VPS13B: variants seen among roughly 807,000 people sequenced by gnomAD.
The protein encoded by VPS13B is vacuolar protein sorting 13 homolog B, also known as intermembrane lipid transfer protein VPS13B.
In VPS13B, 285 loss-of-function variants were observed where a neutral mutation model predicts 426.4. The observed-to-expected ratio is 0.67, with a 90% CI of 0.61 to 0.74. The LOEUF is 0.74. Ranked by LOEUF, VPS13B falls within the 30% of genes least tolerant of loss-of-function variation. The probability of loss-of-function intolerance (pLI) is 0.00; values close to 1 mark genes in which losing one functional copy is unlikely to be tolerated. For missense variants in VPS13B, 4,537 were observed against 4,782.6 expected (o/e 0.95, Z 1.51); for synonymous variants, 1,676 against 1,676.4 (o/e 1.00, Z 0.01).
At chr8:99,873,026 T>A (rs747331791) in intron 61 of VPS13B, among the ~76,000 whole-genome samples, 12 of 152,208 alleles carry the variant, frequency 7.9e-5, no homozygotes, top group Non-Finnish European at 1.8e-4. Flanking sequence ...CTTTATTAGA[T>A]CTGCCAGAAT....
intron 32 of VPS13B, among the ~76,000 whole-genome samples, chr8:99,576,302 A>AG (rs1172471490): frequency 6.6e-6 from 1 of 152,198 alleles, no homozygotes; most frequent in Non-Finnish European, 1.5e-5. Context: ...AAGTTTTCAC[A>AG]GGATGTATGC....
At chr8:99,609,853 A>T (rs1827767464) in intron 33 of VPS13B, among the ~76,000 whole-genome samples, 1 of 152,244 alleles carries the variant, frequency 6.6e-6, no homozygotes, top group Non-Finnish European at 1.5e-5. Context: ...GCCTGGATTC[A>T]TGCTAAGGCA....
intron 3 of VPS13B, among the ~76,000 whole-genome samples, chr8:99,052,713 G>C (rs1442274089): frequency 1.3e-5 from 2 of 152,058 alleles, no homozygotes; most frequent in Non-Finnish European, 2.9e-5. Flanking sequence ...TTCAGAGCCT[G>C]TTATTGGTCT....
chr8:99,690,505 T>A lies in VPS13B; in HGVS notation c.6047-9020T>A, dbSNP rs139185578. 8.5e-5 allele frequency among the ~76,000 whole-genome samples: 13 copies of A among 152,300 alleles called. No individual in the cohort carries two copies. In the East Asian group the frequency reaches 2.5e-3, roughly 29 times the overall value. On this transcript the variant is annotated intron_variant, in intron 35 of 61. Coordinates refer to ENST00000357162, the MANE Select transcript of VPS13B (RefSeq NM_152564.5). ...AAAAAAGTGAAGATAATCCACAGAA[T>A]GGGAGAAAATATTTGCAAATCATAT...
intron 3 of VPS13B, among the ~76,000 whole-genome samples, chr8:99,072,644 G>T (rs1303562048): frequency 2.0e-5 from 3 of 151,642 alleles, no homozygotes; most frequent in Non-Finnish European, 4.4e-5. Flanking sequence ...GGGGTTTTGA[G>T]GTCATAACCG....
chr8:99,356,317 C>T (rs532152883), intron 19 of VPS13B, among the ~76,000 whole-genome samples: 23 of 152,044 alleles, frequency 1.5e-4, no homozygotes, highest in Non-Finnish European at 2.6e-4. Context: ...TTTACATTCT[C>T]TCCTACCACC....
chr8:99,036,152 G>A (rs1343954240), intron 2 of VPS13B, among the ~76,000 whole-genome samples: 1 of 151,844 alleles, frequency 6.6e-6, no homozygotes, highest in Non-Finnish European at 1.5e-5. Context: ...AAAATTTGAT[G>A]TCTCATTTTT....
At chr8:99,300,982 G>A (rs913825432) in intron 19 of VPS13B, among the ~76,000 whole-genome samples, 1 of 146,334 alleles carries the variant, frequency 6.8e-6, no homozygotes, top group Non-Finnish European at 1.5e-5. Context: ...CCAGCACTTT[G>A]GTGGGTGGCT....
rs1848127635 is a variant in VPS13B, at chr8:99,124,941, T to C, written c.1206+3496T>C. Among the ~76,000 whole-genome samples, 2 of 149,644 alleles carry C rather than the reference T, an allele frequency of 1.3e-5. 1 individual carries two copies. The highest frequency in any genetic ancestry group is 4.2e-4 in the South Asian group (2 of 4,744). On this transcript the variant is annotated intron_variant, in intron 8 of 61. Transcript: ENST00000357162. The stretch of plus-strand genomic sequence containing the variant: ...GATGCATGCTAAACATGAATGAACC[T>C]GGAAATCTCTATGCTGAATGAAATA...
At position 99,720,325 on chromosome 8, in the gene VPS13B, A is replaced by G; in HGVS notation, c.6658-20A>G. The G allele has an allele frequency of 6.2e-7, 1 of 1,603,752 alleles. No homozygotes were observed. The highest frequency in any genetic ancestry group is 8.5e-7 in the Non-Finnish European group (1 of 1,173,230). On this transcript the variant is annotated intron_variant, in intron 37 of 61. Coordinates refer to ENST00000357162, the MANE Select transcript of VPS13B (RefSeq NM_152564.5). ...ATGTTTGTATTTAAAAGCTACTAGA[A>G]TTTTTTTATGATTTTAAAGGTCTTC...
chr8:99,456,289 C>T (rs1390517569), intron 23 of VPS13B, among the ~76,000 whole-genome samples: 1 of 152,102 alleles, frequency 6.6e-6, no homozygotes, highest in Non-Finnish European at 1.5e-5. Context: ...GTGCCTCAGC[C>T]TCCTGAGTAG....
At chr8:99,337,454 G>A (rs1170958335) in intron 19 of VPS13B, among the ~76,000 whole-genome samples, 1 of 151,582 alleles carries the variant, frequency 6.6e-6, no homozygotes, top group African/African-American at 2.4e-5. Context: ...CATGGCACAT[G>A]TATACGTATG....
chr8:99,064,048 G>A (rs1432641581), intron 3 of VPS13B, among the ~76,000 whole-genome samples: 2 of 152,148 alleles, frequency 1.3e-5, no homozygotes, highest in Non-Finnish European at 2.9e-5. Context: ...CAAACAGAAA[G>A]GCATAGCATC....
At chr8:99,767,022 G>A in intron 40 of VPS13B, 52 bp downstream of exon 40, 2 of 1,575,938 alleles carry the variant, frequency 1.3e-6, no homozygotes, top group Non-Finnish European at 1.7e-6. Context: ...ACAATGATAA[G>A]TCATCTTTTC....
intron 39 of VPS13B, among the ~76,000 whole-genome samples, chr8:99,742,881 C>G (rs1200260310): frequency 6.6e-6 from 1 of 152,100 alleles, no homozygotes; most frequent in African/African-American, 2.4e-5. Context: ...ACTGAATGGG[C>G]AAAAACTGGA....
chr8:99,100,128 T>C (rs984997711), intron 4 of VPS13B, among the ~76,000 whole-genome samples: 2 of 152,208 alleles, frequency 1.3e-5, no homozygotes, highest in Non-Finnish European at 2.9e-5. Flanking sequence ...TTTATTCCAC[T>C]GATAAGTTTC....
At chr8:99,242,718 T>C (rs900507266) in intron 17 of VPS13B, among the ~76,000 whole-genome samples, 6 of 152,238 alleles carry the variant, frequency 3.9e-5, no homozygotes, top group South Asian at 2.1e-4. Flanking sequence ...TTTTTACTTA[T>C]AGAATTGCCT....
chr8:99,199,775 C>G (rs937013267), intron 17 of VPS13B, among the ~76,000 whole-genome samples: 6 of 152,116 alleles, frequency 3.9e-5, no homozygotes, highest in East Asian at 1.9e-4. Context: ...ATTACGTTCT[C>G]TTACACATTC....
chr8:99,467,293 T>C (rs1819161334), intron 23 of VPS13B, 121 bp from the exon 24 acceptor site: 4 of 1,060,236 alleles, frequency 3.8e-6, no homozygotes, highest in Non-Finnish European at 5.8e-6. Flanking sequence ...GAATACTATA[T>C]TCACTTTTTA....
Sources: gnomAD v4.1 joint callset for allele counts (sites outside exome capture counted in the v4.1 genomes callset) on GRCh38, gnomAD v4.1.1 for gene constraint, MANE v1.5 for transcripts, NCBI Gene and HGNC (gene_info 2026-07-23, HGNC 2026-07-21) for gene names.